NRXN3: variants seen among roughly 807,000 people sequenced by gnomAD.
The protein encoded by NRXN3 is neurexin 3.
In NRXN3, 32 loss-of-function variants were observed where a neutral mutation model predicts 137.6. The observed-to-expected ratio is 0.23, with a 90% CI of 0.18 to 0.31. The LOEUF (loss-of-function observed/expected upper bound fraction) is 0.31. Among genes scored for constraint, NRXN3 ranks in the 10% least tolerant of loss-of-function variants. The pLI is 1.00. For missense variants in NRXN3, 1,574 were observed against 2,062.5 expected, an observed-to-expected ratio of 0.76 and a Z score of 4.59; for synonymous variants, 798 against 784.5, an observed-to-expected ratio of 1.02 and a Z score of -0.29.
At chr14:79,560,512 T>TTTTTTTTTTTTG in intron 16 of NRXN3, among the ~76,000 whole-genome samples, 1 of 119,420 alleles carries the variant, frequency 8.4e-6, no homozygotes, top group Non-Finnish European at 1.8e-5. Context: ...AGCTTTTTTT[T>TTTTTTTTTTTTG]TTTTTTTTTT....
chr14:78,870,970 A>G (rs573743080), intron 10 of NRXN3, among the ~76,000 whole-genome samples: 1 of 150,256 alleles, frequency 6.7e-6, no homozygotes, highest in Non-Finnish European at 1.5e-5. Flanking sequence ...CTACTGATGG[A>G]TTCTTGGGTT....
intron 15 of NRXN3, among the ~76,000 whole-genome samples, chr14:79,388,281 A>C (rs1406075157): frequency 6.6e-6 from 1 of 152,164 alleles, no homozygotes; most frequent in Non-Finnish European, 1.5e-5. Flanking sequence ...TTCAGCCTGC[A>C]GAACCAACTA....
chr14:78,663,850 TA>T (rs949620993), intron 6 of NRXN3, among the ~76,000 whole-genome samples: 1 of 152,116 alleles, frequency 6.6e-6, no homozygotes, highest in Non-Finnish European at 1.5e-5. Flanking sequence ...CAAAGGAGAT[TA>T]AAAAAACACT....
At chr14:79,367,949 A>G (rs913299695) in intron 15 of NRXN3, among the ~76,000 whole-genome samples, 13 of 152,206 alleles carry the variant, frequency 8.5e-5, no homozygotes, top group Admixed American at 3.9e-4. Flanking sequence ...TGAAACGTCT[A>G]TTGGATATAC....
At chr14:78,380,883 G>A (rs879657919) in intron 4 of NRXN3, among the ~76,000 whole-genome samples, 1 of 151,762 alleles carries the variant, frequency 6.6e-6, no homozygotes, top group African/African-American at 2.4e-5. Flanking sequence ...GAATGCCATG[G>A]GAGAAATGAG....
intron 15 of NRXN3, among the ~76,000 whole-genome samples, chr14:79,107,414 C>A (rs965600401): frequency 6.6e-6 from 1 of 152,064 alleles, no homozygotes; most frequent in Admixed American, 6.6e-5. Context: ...AGGCAACTGG[C>A]CAGACTGCCA....
intron 15 of NRXN3, among the ~76,000 whole-genome samples, chr14:79,323,598 G>A (rs1382858461): frequency 3.9e-5 from 6 of 152,134 alleles, no homozygotes; most frequent in Admixed American, 2.6e-4. Context: ...GGTGGCTCAC[G>A]CCTGTAATCC....
At chr14:78,595,940 C>T (rs61976084) in intron 4 of NRXN3, among the ~76,000 whole-genome samples, 5,933 of 152,216 alleles carry the variant, frequency 0.039, 134 homozygotes, top group Middle Eastern at 0.071. Context: ...GGGGACAATT[C>T]GCATAGCTGC....
In NRXN3 at chr14:78,718,582, A is replaced by G. The variant is rs79073529; in HGVS notation, c.2044+3443A>G. Among the ~76,000 whole-genome samples, 687 of 152,302 alleles carry G rather than the reference A, an allele frequency of 4.5e-3. 5 individuals carry two copies. The highest frequency in any genetic ancestry group is 0.041 in the East Asian group (213 of 5,172). ...GATACTAAGATTAATTTGCATGTGTATGTTTCTCTTACAGTAAAATTGGAT... is the reference window on the plus strand; with the variant it reads ...GATACTAAGATTAATTTGCATGTGTGTGTTTCTCTTACAGTAAAATTGGAT... On this transcript the variant is annotated intron_variant, in intron 8 of 20. Coordinates refer to ENST00000335750, the MANE Select transcript of NRXN3 (RefSeq NM_001330195.2).
chr14:79,860,249 A>T (rs1397489506), intron 20 of NRXN3, among the ~76,000 whole-genome samples: 4 of 152,228 alleles, frequency 2.6e-5, no homozygotes, highest in South Asian at 2.1e-4. Flanking sequence ...TGAGTCTAAC[A>T]GTTTCAAGTC....
chr14:78,978,920 C>A (rs1246557656), intron 14 of NRXN3, among the ~76,000 whole-genome samples: 2 of 151,718 alleles, frequency 1.3e-5, no homozygotes, highest in Non-Finnish European at 2.9e-5. Flanking sequence ...GTGGCAGGGG[C>A]AGAAGTGGCA....
intron 8 of NRXN3, among the ~76,000 whole-genome samples, chr14:78,734,093 A>G (rs184458020): frequency 1.6e-4 from 25 of 152,236 alleles, no homozygotes; most frequent in Admixed American, 1.4e-3. Flanking sequence ...TGCAGTGAGC[A>G]TAGTAAGACT....
chr14:78,974,900 A>G (rs1399163130), intron 14 of NRXN3, among the ~76,000 whole-genome samples: 1 of 152,224 alleles, frequency 6.6e-6, no homozygotes, highest in Non-Finnish European at 1.5e-5. Flanking sequence ...CTAGACAAAA[A>G]TGTATTCAGA....
chr14:78,441,812 C>T (rs1165228092), intron 4 of NRXN3, among the ~76,000 whole-genome samples: 1 of 152,072 alleles, frequency 6.6e-6, no homozygotes, highest in African/African-American at 2.4e-5. Flanking sequence ...GTAAGAAATA[C>T]ATAGCTGGGT....
In NRXN3 at chr14:79,143,204, C is replaced by T. The variant is rs79567763; in HGVS notation, c.3262+155063C>T. ...CACCCTGATTCCCAACAGGGTAGAA[C>T]TCAGCACATATTTGATGAATTAGAT... On this transcript the variant is annotated intron_variant, in intron 15 of 20. Transcript: ENST00000335750. 8.0e-3 allele frequency among the ~76,000 whole-genome samples: 1,216 copies of T among 152,220 alleles called. 19 individuals carry two copies. Among genetic ancestry groups the T allele is most frequent in the African/African-American group, 0.028 (1,178 of 41,526 alleles).
intron 8 of NRXN3, among the ~76,000 whole-genome samples, chr14:78,800,871 A>C: frequency 6.6e-6 from 1 of 152,226 alleles, no homozygotes; most frequent in East Asian, 1.9e-4. Context: ...GTAAGCACAG[A>C]AGAATATATC....
intron 16 of NRXN3, among the ~76,000 whole-genome samples, chr14:79,659,333 GTTA>G (rs980963213): frequency 3.9e-5 from 6 of 152,028 alleles, no homozygotes; most frequent in African/African-American, 1.4e-4. Context: ...TGGCTGTGGA[GTTA>G]TTAAAATTTA....
chr14:78,393,587 G>T (rs1182334542), intron 4 of NRXN3, among the ~76,000 whole-genome samples: 2 of 151,832 alleles, frequency 1.3e-5, no homozygotes, highest in African/African-American at 4.8e-5. Context: ...ATTGCTTCAG[G>T]TATTCTAGTT....
intron 15 of NRXN3, among the ~76,000 whole-genome samples, chr14:78,993,809 G>T (rs1246525989): frequency 7.6e-6 from 1 of 131,168 alleles, no homozygotes; most frequent in Non-Finnish European, 1.7e-5. Flanking sequence ...TTTTAGGATG[G>T]TTTTCATTGA....
Sources: gnomAD v4.1 joint callset for allele counts (sites outside exome capture counted in the v4.1 genomes callset) on GRCh38, gnomAD v4.1.1 for gene constraint, MANE v1.5 for transcripts, NCBI Gene and HGNC (gene_info 2026-07-23, HGNC 2026-07-21) for gene names.